The following TRERF1 variants were observed in gnomAD, a reference collection of about 807,000 sequenced individuals.
TRERF1 encodes the protein transcriptional regulating factor 1.
In TRERF1, 27 loss-of-function variants were observed where a neutral mutation model predicts 122.9. That is an observed-to-expected ratio of 0.22 (90% CI 0.16 to 0.30). TRERF1 has a LOEUF of 0.30. Ranked by LOEUF, TRERF1 falls within the 10% of genes least tolerant of loss-of-function variation. The pLI is 1.00. For missense variants in TRERF1, 1,248 were observed against 1,560.3 expected (o/e 0.80, Z 3.37); for synonymous variants, 636 against 641.7 (o/e 0.99, Z 0.13).
chr6:42,248,366 T>G (rs1300400759), intron 13 of TRERF1, among the ~76,000 whole-genome samples: 1 of 152,004 alleles, frequency 6.6e-6, no homozygotes, highest in African/African-American at 2.4e-5. Context: ...TCTTTTTTTT[T>G]TTTGGAGATG....
At chr6:42,375,617 G>T (rs750077070) in intron 2 of TRERF1, among the ~76,000 whole-genome samples, 2 of 152,162 alleles carry the variant, frequency 1.3e-5, no homozygotes, top group African/African-American at 2.4e-5. Context: ...AAAGTCTCAG[G>T]GTCCAGGGAC....
Position 42,259,439 on chromosome 6 carries a change from G to T in TRERF1, c.2169C>A (p.Leu723=). The change falls in exon 9 of 18, where the codon CTC becomes CTA. Residue 723 remains leucine, a synonymous_variant. Coordinates refer to ENST00000372922, the Ensembl canonical transcript of TRERF1. The surrounding 1 kb of genome is among the most constrained non-coding windows in gnomAD (Gnocchi z 4.9). ...GGCCGGAGATGAGGACATTGCTGAA[G>T]AGCCCCGAGCCCTGGCGCACCGGGC... 1 of 1,594,762 alleles carries T rather than the reference G, an allele frequency of 6.3e-7. No homozygotes were observed.
At chr6:42,408,375 T>A (rs141691426) in intron 2 of TRERF1, among the ~76,000 whole-genome samples, 12 of 124,954 alleles carry the variant, frequency 9.6e-5, no homozygotes, top group East Asian at 5.5e-4. Flanking sequence ...ATATATATCT[T>A]TTTTTTTTTT....
rs778595176 is a variant in TRERF1, at chr6:42,268,882, G to C, written c.709C>G (p.Gln237Glu). ...ACTGGCACCTGAGCCAGAGGCTGCT[G>C]GTAGTCATAATACAGGTGCCCTTGG... The change falls in exon 5 of 18, where the codon CAG becomes GAG. Residue 237 changes from glutamine (Q) to glutamate (E), a missense_variant. By Grantham distance (29) the Gln-to-Glu change is conservative. This residue lies in a region of TRERF1 where 946 missense variants were observed against 1,073.0 expected (regional missense o/e 0.88). Transcript: ENST00000372922. This position sits in a 1 kb window ranked among gnomAD's most constrained non-coding sequence, Gnocchi z 4.4. 5.0e-6 allele frequency: 8 copies of C among 1,614,086 alleles called. No homozygotes were observed. The highest frequency in any genetic ancestry group is 6.8e-6 in the Non-Finnish European group (8 of 1,179,980).
Position 42,450,909 on chromosome 6 carries a change from T to G in TRERF1, c.-454+268A>C, listed in dbSNP as rs551474807. Among the ~76,000 whole-genome samples the G allele has an allele frequency of 3.9e-5, 6 of 152,270 alleles. No homozygotes were observed. In the South Asian group the frequency reaches 1.0e-3, roughly 26 times the overall value. On this transcript the variant is annotated intron_variant, in intron 2 of 17. Transcript: ENST00000372922. ...GCCTTTATAACATCACAACCTCAAA[T>G]GCAAGCCCACCATCACTACCTTTAA...
intron 2 of TRERF1, among the ~76,000 whole-genome samples, chr6:42,428,475 G>C (rs1244314779): frequency 6.6e-6 from 1 of 152,204 alleles, no homozygotes; most frequent in Non-Finnish European, 1.5e-5. Flanking sequence ...AGATTGGGGT[G>C]GAGGGGGTGC....
At chr6:42,409,386 G>A (rs948676947) in intron 2 of TRERF1, among the ~76,000 whole-genome samples, 6 of 152,028 alleles carry the variant, frequency 3.9e-5, no homozygotes, top group Non-Finnish European at 8.8e-5. Flanking sequence ...ACTACTGCTT[G>A]CCTGCCTTGT....
At chr6:42,382,525 A>G (rs907473897) in intron 2 of TRERF1, among the ~76,000 whole-genome samples, 3 of 151,602 alleles carry the variant, frequency 2.0e-5, no homozygotes, top group African/African-American at 7.3e-5. Context: ...GTACTGACTT[A>G]TTTTAAAAAC....
intron 4 of TRERF1, among the ~76,000 whole-genome samples, chr6:42,294,869 T>TAAG (rs1489229588): frequency 6.6e-6 from 1 of 152,148 alleles, no homozygotes; most frequent in Non-Finnish European, 1.5e-5. Context: ...ATCTACCAGG[T>TAAG]AAGCTCTCCA....
intron 3 of TRERF1, among the ~76,000 whole-genome samples, chr6:42,307,623 AC>A (rs1307979743): frequency 1.3e-5 from 2 of 151,968 alleles, no homozygotes; most frequent in African/African-American, 4.8e-5. Flanking sequence ...CTTTCCCAGG[AC>A]AAGTCAATGG....
chr6:42,359,771 G>A (rs774836041), intron 3 of TRERF1, among the ~76,000 whole-genome samples: 8 of 152,060 alleles, frequency 5.3e-5, no homozygotes, highest in Non-Finnish European at 1.0e-4. Context: ...AATCAGCTGG[G>A]ATAGGTCATG....
At chr6:42,234,663 T>C (rs959752373) in intron 16 of TRERF1, among the ~76,000 whole-genome samples, 8 of 152,130 alleles carry the variant, frequency 5.3e-5, no homozygotes, top group African/African-American at 1.9e-4. Flanking sequence ...TTTTCTTACA[T>C]AGGAAAAAAC....
intron 2 of TRERF1, among the ~76,000 whole-genome samples, chr6:42,403,365 C>T (rs72857672): frequency 0.013 from 1,964 of 152,158 alleles, 32 homozygotes; most frequent in East Asian, 0.089. Flanking sequence ...GACTGATGCC[C>T]TTATTTATAA....
chr6:42,263,208 G>C lies in TRERF1; in HGVS notation c.1884+112C>G. 4.1e-6 allele frequency: 6 copies of C among 1,458,066 alleles called. No individual in the cohort carries two copies. The highest frequency in any genetic ancestry group is 5.4e-6 in the Non-Finnish European group (6 of 1,103,160). The allele number at this position is 1,458,066 out of a possible 1,614,324, so 90.3% of individuals were successfully genotyped here. On this transcript the variant is annotated intron_variant, in intron 8 of 17. Coordinates refer to ENST00000372922, the Ensembl canonical transcript of TRERF1. This position sits in a 1 kb window ranked among gnomAD's most constrained non-coding sequence, Gnocchi z 5.6. ...TCTGGAAGGGCCGCCCCATCTCCAAGAAAGCAAAGGGATGTCCCCACCCAG... is the reference window on the plus strand; with the variant it reads ...TCTGGAAGGGCCGCCCCATCTCCAACAAAGCAAAGGGATGTCCCCACCCAG...
At chr6:42,304,215 C>T (rs1009495391) in intron 3 of TRERF1, among the ~76,000 whole-genome samples, 2 of 152,250 alleles carry the variant, frequency 1.3e-5, no homozygotes, top group Admixed American at 1.3e-4. Flanking sequence ...GGAGAAGCCT[C>T]ACGGGGGTGT....
intron 3 of TRERF1, among the ~76,000 whole-genome samples, chr6:42,346,987 A>G (rs146361065): frequency 6.6e-6 from 1 of 152,228 alleles, no homozygotes; most frequent in African/African-American, 2.4e-5. Flanking sequence ...CAGGTAGAAT[A>G]AAATGCTTTA....
chr6:42,410,463 T>C (rs1052553999), intron 2 of TRERF1, among the ~76,000 whole-genome samples: 1 of 152,196 alleles, frequency 6.6e-6, no homozygotes, highest in Admixed American at 6.5e-5. Flanking sequence ...CACTCATTTT[T>C]TAAAGAGCCC....
intron 3 of TRERF1, among the ~76,000 whole-genome samples, chr6:42,350,923 C>G (rs1017370510): frequency 1.3e-5 from 2 of 151,980 alleles, no homozygotes; most frequent in Non-Finnish European, 2.9e-5. Flanking sequence ...AAAGATGGAG[C>G]ACTGCAAAAT....
At chr6:42,266,838 T>A (rs1779285431) in intron 5 of TRERF1, among the ~76,000 whole-genome samples, 1 of 152,258 alleles carries the variant, frequency 6.6e-6, no homozygotes, top group African/African-American at 2.4e-5. Context: ...TTGGCTAGAC[T>A]GTTTTTTAAA....
Sources: gnomAD v4.1 joint callset for allele counts (sites outside exome capture counted in the v4.1 genomes callset) on GRCh38, gnomAD v4.1.1 for gene constraint, gnomAD v4.1.1 regional missense constraint, Gnocchi (gnomAD v3.1) non-coding constraint, MANE v1.5 for transcripts, NCBI Gene and HGNC (gene_info 2026-07-23, HGNC 2026-07-21) for gene names.